The following ATP9B variants were observed in gnomAD, a reference collection of about 807,000 sequenced individuals.
The protein encoded by ATP9B is probable phospholipid-transporting ATPase IIB.
Under a neutral mutation model 146.1 loss-of-function variants are expected in ATP9B, and 110 were observed. That is an observed-to-expected ratio of 0.75 (90% CI 0.65 to 0.88). ATP9B has a LOEUF of 0.88. Ranked by LOEUF, ATP9B falls within the 40% of genes least tolerant of loss-of-function variation. ATP9B has a pLI of 0.00. For missense variants in ATP9B, 1,499 were observed against 1,496.4 expected (o/e 1.00, Z -0.03); for synonymous variants, 604 against 569.7 (o/e 1.06, Z -0.86).
At chr18:79,197,781 T>C (rs1443433611) in intron 9 of ATP9B, among the ~76,000 whole-genome samples, 1 of 152,158 alleles carries the variant, frequency 6.6e-6, no homozygotes, top group East Asian at 1.9e-4. Context: ...GCAAGATGGT[T>C]GACTCAGTAA....
intron 17 of ATP9B, among the ~76,000 whole-genome samples, chr18:79,334,082 G>C (rs1373664643): frequency 6.6e-6 from 1 of 152,156 alleles, no homozygotes; most frequent in East Asian, 1.9e-4. Context: ...GCTAGGCTGG[G>C]CGCGGTGGCT....
intron 6 of ATP9B, among the ~76,000 whole-genome samples, chr18:79,147,111 G>C (rs2094604123): frequency 6.6e-6 from 1 of 152,198 alleles, no homozygotes; most frequent in Non-Finnish European, 1.5e-5. Flanking sequence ...CAGACAAAAA[G>C]AGATGTTATA....
intron 1 of ATP9B, chr18:79,085,157 G>A (rs979919954): frequency 6.6e-6 from 1 of 152,258 alleles, no homozygotes; most frequent in Non-Finnish European, 1.5e-5. Flanking sequence ...AAGGGAGCAA[G>A]AGAGAGAATG....
At chr18:79,348,053 A>C (rs1325734247) in intron 24 of ATP9B, 79 bp from the exon 25 acceptor site, 2 of 1,601,894 alleles carry the variant, frequency 1.2e-6, no homozygotes, top group African/African-American at 1.4e-5. Context: ...CTTAGGAGTT[A>C]GCGAGGCCCC....
intron 7 of ATP9B, among the ~76,000 whole-genome samples, chr18:79,163,738 G>GTA (rs370989124): frequency 0.03 from 4,503 of 151,634 alleles, 230 homozygotes; most frequent in African/African-American, 0.1. Context: ...ATGCGTGTGT[G>GTA]TATATATATA....
chr18:79,142,691 T>C (rs2094528700), intron 5 of ATP9B, among the ~76,000 whole-genome samples: 1 of 152,190 alleles, frequency 6.6e-6, no homozygotes, highest in South Asian at 2.1e-4. Context: ...TGCTATTTTA[T>C]AATATAAATA....
chr18:79,099,225 T>C (rs1304264295), intron 2 of ATP9B, among the ~76,000 whole-genome samples: 2 of 152,152 alleles, frequency 1.3e-5, no homozygotes, highest in African/African-American at 4.8e-5. Flanking sequence ...TTCTTTTTTC[T>C]TTCTTTTCTT....
chr18:79,318,174 G>T (rs2096692803), intron 15 of ATP9B, among the ~76,000 whole-genome samples: 1 of 152,268 alleles, frequency 6.6e-6, no homozygotes, highest in African/African-American at 2.4e-5. Context: ...GAACCCGCAG[G>T]TTGGGGAGCA....
rs1052858273 is a variant in ATP9B at position 79,218,334 on chromosome 18, G to T, written c.1107+4296G>T. ...TGGTCATGTTTTCCTTGTGTTCCAGGTCTGGCCAGGCTGGCAGCTCCTGCT... is the reference window on the plus strand; with the variant it reads ...TGGTCATGTTTTCCTTGTGTTCCAGTTCTGGCCAGGCTGGCAGCTCCTGCT... On this transcript the variant is annotated intron_variant, in intron 11 of 29. Coordinates refer to ENST00000426216, the MANE Select transcript of ATP9B (RefSeq NM_198531.5). Among the ~76,000 whole-genome samples the T allele has an allele frequency of 2.1e-5, 3 of 144,444 alleles. No individual in the cohort carries two copies. In the Admixed American group the frequency reaches 2.1e-4, roughly 10 times the overall value. The allele number at this position is 144,444 out of a possible 152,430, so 94.8% of individuals were successfully genotyped here. A position where few individuals can be genotyped will look rare whatever the true frequency, so the allele number is the denominator to read the frequency against.
At chr18:79,197,815 G>T (rs1375253702) in intron 9 of ATP9B, among the ~76,000 whole-genome samples, 3 of 152,164 alleles carry the variant, frequency 2.0e-5, no homozygotes, top group Non-Finnish European at 4.4e-5. Flanking sequence ...CAGTTAAAAG[G>T]CAGAGACTGT....
chr18:79,205,669 A>G (rs1308963728), intron 9 of ATP9B, among the ~76,000 whole-genome samples: 1 of 152,176 alleles, frequency 6.6e-6, no homozygotes, highest in Non-Finnish European at 1.5e-5. Flanking sequence ...TTCTAGATGC[A>G]GGGCTGTGGA....
intron 15 of ATP9B, among the ~76,000 whole-genome samples, chr18:79,314,267 C>T (rs1191729021): frequency 2.6e-5 from 4 of 152,160 alleles, no homozygotes; most frequent in Non-Finnish European, 4.4e-5. Context: ...TGTGTCATCT[C>T]GGTCTTTAGG....
chr18:79,359,374 T>C lies in ATP9B; in HGVS notation c.2924T>C (p.Met975Thr). The C allele has an allele frequency of 1.9e-6, 3 of 1,613,830 alleles. No individual in the cohort carries two copies. Among genetic ancestry groups the C allele is most frequent in the East Asian group, 2.2e-5 (1 of 44,866 alleles). ...LMVGYATIYT[M>T]FPVFSLVLDQ... ...TGCAGGTATGCCACCATATACACCA[T>C]GTTCCCAGTGTTCTCCTTAGTGCTG... The change falls in exon 26 of 30, where the codon ATG becomes ACG. Residue 975 changes from methionine (M) to threonine (T), a missense_variant. Transcript: ENST00000426216.
intron 8 of ATP9B, among the ~76,000 whole-genome samples, chr18:79,191,383 T>G (rs936540996): frequency 6.6e-6 from 1 of 152,210 alleles, no homozygotes; most frequent in Non-Finnish European, 1.5e-5. Context: ...TGGCATATTT[T>G]TAGTCATTAT....
chr18:79,328,152 C>CGTGCTCTCCGTGGTTAGT (rs2096771064), intron 15 of ATP9B, among the ~76,000 whole-genome samples: 1 of 149,950 alleles, frequency 6.7e-6, no homozygotes, highest in East Asian at 2.0e-4. Context: ...CTGTGGTTAG[C>CGTGCTCTCCGTGGTTAGT]GTGCTCTCCG....
Position 79,239,392 on chromosome 18 carries a change from GCCCA to G in ATP9B, c.1108-13984_1108-13981del, listed in dbSNP as rs2095869439. ...ATGGTGTTTCTTGCAGACACTGTGA[GCCCA>G]CCCATGGAGGTACACAAACCATCCT... On this transcript the variant is annotated intron_variant, in intron 11 of 29. Coordinates refer to ENST00000426216, the MANE Select transcript of ATP9B (RefSeq NM_198531.5). The surrounding 1 kb of genome is among the most constrained non-coding windows in gnomAD (Gnocchi z 5.1). 1.3e-5 allele frequency among the ~76,000 whole-genome samples: 2 copies of G among 152,198 alleles called. No individual in the cohort carries two copies. Among genetic ancestry groups the G allele is most frequent in the African/African-American group, 4.8e-5 (2 of 41,448 alleles).
Position 79,118,390 on chromosome 18 carries a change from G to GGTTTTTT in ATP9B, c.558+5036_558+5037insGTTTTTT, listed in dbSNP as rs1555689295. ...AAACACAATCATATTGAACGTTTTT[G>GGTTTTTT]TTTTTTTTTTTTTTTTTTTTTTTTT... On this transcript the variant is annotated intron_variant, in intron 4 of 29. Transcript: ENST00000426216. Among the ~76,000 whole-genome samples, 223 of 93,244 alleles carry GGTTTTTT rather than the reference G, an allele frequency of 2.4e-3. 12 individuals are homozygous for GGTTTTTT. The highest frequency in any genetic ancestry group is 0.014 in the Middle Eastern group (2 of 144). 61.2% of individuals were successfully genotyped at this position (93,244 alleles called of 152,430 possible). A position where few individuals can be genotyped will look rare whatever the true frequency, so the allele number is the denominator to read the frequency against.
intron 2 of ATP9B, among the ~76,000 whole-genome samples, chr18:79,107,514 GC>G (rs2075733156): frequency 6.6e-6 from 1 of 152,162 alleles, no homozygotes; most frequent in Non-Finnish European, 1.5e-5. Flanking sequence ...GGCCTCGGGG[GC>G]TTCCTCCGTG....
In ATP9B at chr18:79,264,716, A is replaced by T. The variant is rs114191679; in HGVS notation, c.1268+11175A>T. Among the ~76,000 whole-genome samples the T allele has an allele frequency of 6.5e-3, 980 of 150,756 alleles. 4 individuals carry two copies. The highest frequency in any genetic ancestry group is 0.022 in the African/African-American group (916 of 40,900). On this transcript the variant is annotated intron_variant, in intron 12 of 29. Transcript: ENST00000426216. ...ATGGTGTGAAGTACAGTTTTTAAAT[A>T]CCATATTTCTGCAAACCAATTGTCT...
Sources: gnomAD v4.1 joint callset for allele counts (sites outside exome capture counted in the v4.1 genomes callset) on GRCh38, gnomAD v4.1.1 for gene constraint, Gnocchi (gnomAD v3.1) non-coding constraint, MANE v1.5 for transcripts, NCBI Gene and HGNC (gene_info 2026-07-23, HGNC 2026-07-21) for gene names.